Variants in CYP39A1 observed in about 807,000 individuals in gnomAD.
The protein encoded by CYP39A1 is 24-hydroxycholesterol 7-alpha-hydroxylase.
A neutral mutation model predicts 58.1 loss-of-function variants in CYP39A1; 49 were observed. The observed-to-expected ratio is 0.84, with a 90% CI of 0.67 to 1.07. CYP39A1 has a LOEUF of 1.07. Among genes scored for constraint, CYP39A1 ranks in the 50% least tolerant of loss-of-function variants. The probability of loss-of-function intolerance (pLI) is 0.00; values close to 1 mark genes in which losing one functional copy is unlikely to be tolerated. For missense variants in CYP39A1, 531 were observed against 539.4 expected (o/e 0.98, Z 0.16); for synonymous variants, 209 against 187.6 (o/e 1.11, Z -0.93).
intron 3 of CYP39A1, among the ~76,000 whole-genome samples, chr6:46,638,331 GCAA>G (rs754510886): frequency 1.3e-5 from 2 of 152,156 alleles, no homozygotes; most frequent in Non-Finnish European, 2.9e-5. Context: ...CCTTTAGACA[GCAA>G]CAACAACAAT....
intron 8 of CYP39A1, among the ~76,000 whole-genome samples, chr6:46,595,468 G>C (rs1773090885): frequency 6.6e-6 from 1 of 152,086 alleles, no homozygotes; most frequent in South Asian, 2.1e-4. Context: ...ATTTTGTTAA[G>C]TGAAACAAGC....
chr6:46,622,695 G>A (rs893464555), intron 7 of CYP39A1, among the ~76,000 whole-genome samples: 1 of 150,108 alleles, frequency 6.7e-6, no homozygotes, highest in Non-Finnish European at 1.5e-5. Flanking sequence ...GAAGACTTAG[G>A]AAGATAATAA....
At chr6:46,578,541 T>A (rs1156531741) in intron 10 of CYP39A1, among the ~76,000 whole-genome samples, 2 of 151,006 alleles carry the variant, frequency 1.3e-5, no homozygotes, top group Non-Finnish European at 3.0e-5. Flanking sequence ...ACCAGCTAGA[T>A]AGATTAATAA....
intron 7 of CYP39A1, among the ~76,000 whole-genome samples, chr6:46,624,501 C>T (rs9463224): frequency 0.19 from 29,017 of 151,864 alleles, 2,979 homozygotes; most frequent in African/African-American, 0.27. Flanking sequence ...GACAATATTA[C>T]TTAGATATTC....
chr6:46,580,107 T>C (rs543259633), intron 10 of CYP39A1, among the ~76,000 whole-genome samples: 40 of 152,228 alleles, frequency 2.6e-4, no homozygotes, highest in African/African-American at 8.4e-4. Flanking sequence ...AAAACTATAC[T>C]ACAAGGCCAC....
chr6:46,553,992 C>A, intron 10 of CYP39A1, 138 bp from the exon 11 acceptor site: 1 of 625,390 alleles, frequency 1.6e-6, no homozygotes, highest in Admixed American at 3.1e-5. Context: ...ATTTAAAGGA[C>A]AGAGTAAGAA....
intron 7 of CYP39A1, 141 bp from the exon 8 acceptor site, chr6:46,596,261 T>A: frequency 1.8e-6 from 1 of 560,944 alleles, no homozygotes; most frequent in East Asian, 3.2e-5. Context: ...ACAGGTTTAG[T>A]CATTAATTGC....
intron 7 of CYP39A1, among the ~76,000 whole-genome samples, chr6:46,618,832 G>C (rs900317439): frequency 2.0e-5 from 3 of 152,020 alleles, no homozygotes; most frequent in African/African-American, 7.2e-5. Flanking sequence ...CCCTCTCGGG[G>C]CAAGCTAGTT....
intron 10 of CYP39A1, among the ~76,000 whole-genome samples, chr6:46,584,701 G>C (rs898271545): frequency 5.9e-5 from 9 of 152,014 alleles, no homozygotes; most frequent in Non-Finnish European, 8.8e-5. Flanking sequence ...ACTGTAATCT[G>C]GTCCCAGTAA....
rs1327348877 is a variant in CYP39A1 at position 46,596,204 on chromosome 6, T to A, written c.932-84A>T. Reference sequence around the variant, plus strand: ...CGTAAGCTCATCAGCAGAGGTTAGATGTTGCCTCTGACAGCAAGTAAAGTG... The same window carrying A: ...CGTAAGCTCATCAGCAGAGGTTAGAAGTTGCCTCTGACAGCAAGTAAAGTG... On this transcript the variant is annotated intron_variant, in intron 7 of 11. Transcript: ENST00000275016. The A allele has an allele frequency of 1.1e-5, 11 of 1,030,846 alleles. No homozygotes were observed. In the Admixed American group the frequency reaches 2.9e-4, roughly 27 times the overall value. The allele number at this position is 1,030,846 out of a possible 1,614,324, so 63.9% of individuals were successfully genotyped here.
chr6:46,633,420 G>T (rs1451955468), intron 5 of CYP39A1, among the ~76,000 whole-genome samples: 1 of 152,078 alleles, frequency 6.6e-6, no homozygotes, highest in Admixed American at 6.6e-5. Flanking sequence ...ATGCAATAAA[G>T]CGTGTATATA....
chr6:46,599,316 G>A (rs1773352950), intron 7 of CYP39A1, among the ~76,000 whole-genome samples: 1 of 152,214 alleles, frequency 6.6e-6, no homozygotes, highest in African/African-American at 2.4e-5. Flanking sequence ...GACCAGACGG[G>A]GGAGGGAGGT....
At chr6:46,623,975 C>T (rs1253606957) in intron 7 of CYP39A1, among the ~76,000 whole-genome samples, 5 of 149,504 alleles carry the variant, frequency 3.3e-5, no homozygotes, top group Middle Eastern at 3.5e-3. Context: ...TAGTACTATT[C>T]GAAGGAGCAT....
At chr6:46,605,655 C>T (rs1171539587) in intron 7 of CYP39A1, among the ~76,000 whole-genome samples, 2 of 152,122 alleles carry the variant, frequency 1.3e-5, no homozygotes, top group South Asian at 4.1e-4. Context: ...AAGCCTCTAC[C>T]TCTTGCCTCC....
At chr6:46,630,418 A>T (rs1775583556) in intron 6 of CYP39A1, among the ~76,000 whole-genome samples, 1 of 152,170 alleles carries the variant, frequency 6.6e-6, no homozygotes, top group African/African-American at 2.4e-5. Context: ...GGAGGTTCAC[A>T]TACATTATCC....
intron 8 of CYP39A1, among the ~76,000 whole-genome samples, chr6:46,593,985 GT>G (rs992822533): frequency 2.0e-5 from 3 of 151,958 alleles, no homozygotes; most frequent in Admixed American, 2.0e-4. Context: ...GCCTAAAATT[GT>G]CTTCCAGCTA....
At chr6:46,636,345 A>C in intron 5 of CYP39A1, 44 bp downstream of exon 5, 1 of 1,377,900 alleles carries the variant, frequency 7.3e-7, no homozygotes, top group Non-Finnish European at 1.0e-6. Context: ...ACAATAATTT[A>C]TTACTATCTT....
At chr6:46,638,722 C>T (rs993022165) in intron 3 of CYP39A1, among the ~76,000 whole-genome samples, 2 of 152,126 alleles carry the variant, frequency 1.3e-5, no homozygotes, top group East Asian at 1.9e-4. Context: ...CCTCCACCCC[C>T]TACTACTGGA....
intron 7 of CYP39A1, among the ~76,000 whole-genome samples, chr6:46,606,350 A>G (rs1383477332): frequency 6.6e-6 from 1 of 152,194 alleles, no homozygotes; most frequent in Non-Finnish European, 1.5e-5. Context: ...CCATACAAAG[A>G]AAAAGAAAAG....
Sources: gnomAD v4.1 joint callset for allele counts (sites outside exome capture counted in the v4.1 genomes callset) on GRCh38, gnomAD v4.1.1 for gene constraint, MANE v1.5 for transcripts, NCBI Gene and HGNC (gene_info 2026-07-23, HGNC 2026-07-21) for gene names.